LUZP2: variants seen among roughly 807,000 people sequenced by gnomAD.
LUZP2 encodes leucine zipper protein 2.
Under a neutral mutation model 51.6 loss-of-function variants are expected in LUZP2, and 52 were observed. That is an observed-to-expected ratio of 1.01 (90% confidence interval 0.81 to 1.27). LUZP2 has a LOEUF of 1.27. Among genes scored for constraint, LUZP2 ranks in the 50% most tolerant of loss-of-function variants. The pLI, the probability that LUZP2 is intolerant of heterozygous loss-of-function variation, is 0.00. For synonymous variants in LUZP2, 154 were observed against 137.3 expected, an observed-to-expected ratio of 1.12 and a Z score of -0.85; for missense variants, 436 against 395.4, an observed-to-expected ratio of 1.10 and a Z score of -0.87.
At chr11:24,949,896 C>A (rs1045209851) in intron 7 of LUZP2, among the ~76,000 whole-genome samples, 2 of 151,316 alleles carry the variant, frequency 1.3e-5, no homozygotes, top group Admixed American at 6.6e-5. Flanking sequence ...TTCTTTCTTG[C>A]CTGAGATAAG....
chr11:24,675,070 G>A (rs1856502176), intron 1 of LUZP2, among the ~76,000 whole-genome samples: 1 of 152,172 alleles, frequency 6.6e-6, no homozygotes, highest in Non-Finnish European at 1.5e-5. Flanking sequence ...CTTAAAGTTA[G>A]AAATTGTGAT....
At chr11:25,004,669 C>T (rs1856784799) in intron 9 of LUZP2, among the ~76,000 whole-genome samples, 2 of 152,078 alleles carry the variant, frequency 1.3e-5, no homozygotes, top group East Asian at 1.9e-4. Flanking sequence ...TCTTCCTTTC[C>T]CTGAATTATG....
chr11:24,630,626 G>T (rs533576109), intron 1 of LUZP2, among the ~76,000 whole-genome samples: 39 of 149,548 alleles, frequency 2.6e-4, no homozygotes, highest in African/African-American at 9.3e-4. Flanking sequence ...GTAATATGGT[G>T]CCTCCAGCTT....
chr11:24,966,741 A>C (rs1339971501), intron 7 of LUZP2, among the ~76,000 whole-genome samples: 1 of 147,498 alleles, frequency 6.8e-6, no homozygotes, highest in African/African-American at 2.5e-5. Flanking sequence ...CAAAATATAT[A>C]TTTTACATTA....
At chr11:24,791,982 A>C (rs1460246250) in intron 5 of LUZP2, among the ~76,000 whole-genome samples, 2 of 148,640 alleles carry the variant, frequency 1.3e-5, no homozygotes, top group African/African-American at 4.9e-5. Context: ...CATTCAATCC[A>C]AATAGCAGCT....
chr11:24,952,623 T>C (rs1377862024), intron 7 of LUZP2, among the ~76,000 whole-genome samples: 1 of 151,760 alleles, frequency 6.6e-6, no homozygotes, highest in Non-Finnish European at 1.5e-5. Context: ...GAAAATGTGG[T>C]CTTGAAATCA....
intron 3 of LUZP2, among the ~76,000 whole-genome samples, chr11:24,734,587 C>T (rs1287981220): frequency 6.6e-6 from 1 of 151,632 alleles, no homozygotes; most frequent in African/African-American, 2.4e-5. Context: ...ATGGAAGACT[C>T]AATAAATTAT....
intron 8 of LUZP2, among the ~76,000 whole-genome samples, chr11:24,979,947 T>A (rs1020286614): frequency 5.3e-5 from 8 of 151,764 alleles, no homozygotes; most frequent in African/African-American, 1.5e-4. Flanking sequence ...AAATACTTCT[T>A]AATTAAAAAT....
intron 5 of LUZP2, among the ~76,000 whole-genome samples, chr11:24,850,949 T>C (rs1851375826): frequency 6.6e-6 from 1 of 152,230 alleles, no homozygotes; most frequent in Admixed American, 6.5e-5. Context: ...TTGTGGTTTT[T>C]GCACATTGAC....
intron 4 of LUZP2, among the ~76,000 whole-genome samples, chr11:24,748,458 A>T (rs1283997442): frequency 2.0e-5 from 3 of 148,212 alleles, no homozygotes; most frequent in Admixed American, 2.0e-4. Flanking sequence ...TATTCTTGTT[A>T]ACTTCCTTTT....
intron 7 of LUZP2, among the ~76,000 whole-genome samples, chr11:24,925,336 C>T (rs1307534605): frequency 6.6e-6 from 1 of 152,050 alleles, no homozygotes; most frequent in Admixed American, 6.6e-5. Flanking sequence ...TTAGGAATGC[C>T]CTTGGCCAAA....
At chr11:24,897,211 A>G (rs897431631) in intron 5 of LUZP2, among the ~76,000 whole-genome samples, 2 of 152,096 alleles carry the variant, frequency 1.3e-5, no homozygotes, top group Admixed American at 1.3e-4. Context: ...ACCAATCAGC[A>G]CTCCGTAAAA....
intron 5 of LUZP2, among the ~76,000 whole-genome samples, chr11:24,847,621 T>C (rs1851241710): frequency 6.6e-6 from 1 of 152,152 alleles, no homozygotes; most frequent in Non-Finnish European, 1.5e-5. Context: ...AAACTTACTA[T>C]TCATCTTTGT....
intron 1 of LUZP2, among the ~76,000 whole-genome samples, chr11:24,564,046 G>T (rs1267131859): frequency 2.0e-5 from 3 of 152,086 alleles, no homozygotes; most frequent in Non-Finnish European, 1.5e-5. Context: ...CAGTTTACTT[G>T]TGTCTTAGTT....
At chr11:25,054,504 T>C (rs1336863235) in intron 10 of LUZP2, among the ~76,000 whole-genome samples, 2 of 152,138 alleles carry the variant, frequency 1.3e-5, no homozygotes, top group Non-Finnish European at 2.9e-5. Context: ...CTGTGGATGG[T>C]GTTAGGTAAG....
intron 1 of LUZP2, among the ~76,000 whole-genome samples, chr11:24,522,849 T>C (rs1405836525): frequency 6.6e-6 from 1 of 152,088 alleles, no homozygotes; most frequent in African/African-American, 2.4e-5. Context: ...TTTGAAGTAG[T>C]CAGTAAAGAC....
At chr11:24,984,295 G>A (rs929804691) in intron 9 of LUZP2, among the ~76,000 whole-genome samples, 4 of 151,102 alleles carry the variant, frequency 2.6e-5, no homozygotes, top group African/African-American at 9.7e-5. Context: ...ATTAAAGTGG[G>A]TAGATTAGGG....
chr11:24,795,103 A>G (rs1367569821), intron 5 of LUZP2, among the ~76,000 whole-genome samples: 2 of 152,178 alleles, frequency 1.3e-5, no homozygotes, highest in African/African-American at 4.8e-5. Flanking sequence ...AAGATGGCTC[A>G]TAATTATTTA....
chr11:24,637,012 A>G (rs906313849), intron 1 of LUZP2, among the ~76,000 whole-genome samples: 1 of 151,712 alleles, frequency 6.6e-6, no homozygotes, highest in Non-Finnish European at 1.5e-5. Flanking sequence ...ATAGAAAGCT[A>G]AAAATGTTGA....
Sources: allele counts gnomAD v4.1 joint callset (sites outside exome capture counted in the v4.1 genomes callset), GRCh38; gene constraint gnomAD v4.1.1; transcripts MANE v1.5; gene names NCBI Gene and HGNC (gene_info 2026-07-23, HGNC 2026-07-21).